Variants in AGBL1 observed in about 807,000 individuals in gnomAD.
AGBL1 encodes the protein cytosolic carboxypeptidase 4.
Under a neutral mutation model 118.9 loss-of-function variants are expected in AGBL1, and 130 were observed. The observed-to-expected ratio is 1.09, with a 90% CI of 0.95 to 1.26. The LOEUF (loss-of-function observed/expected upper bound fraction) is 1.26. Ranked by LOEUF, AGBL1 falls within the 50% of genes most tolerant of loss-of-function variation. The pLI, the probability that AGBL1 is intolerant of heterozygous loss-of-function variation, is 0.00. For missense variants in AGBL1, 1,584 were observed against 1,298.1 expected, an observed-to-expected ratio of 1.22 and a Z score of -3.38; for synonymous variants, 555 against 478.9, an observed-to-expected ratio of 1.16 and a Z score of -2.08.
intron 17 of AGBL1, among the ~76,000 whole-genome samples, chr15:86,315,977 T>C (rs543348006): frequency 8.5e-5 from 13 of 152,300 alleles, no homozygotes; most frequent in Non-Finnish European, 1.2e-4. Flanking sequence ...ACCTTATCTA[T>C]ATTTAGTACA....
rs558781958 is a variant in AGBL1, at chr15:86,922,557, G to A, written c.3222-65430G>A. On this transcript the variant is annotated intron_variant, in intron 23 of 24. Coordinates refer to the AGBL1 transcript ENST00000441037. ...TCCACCTGCCTTGGCCTCCCAAAAT[G>A]TTGGAATTACAGGGTGAGCCACCAT... Among the ~76,000 whole-genome samples the A allele has an allele frequency of 7.9e-5, 12 of 152,272 alleles. No homozygotes were observed. The South Asian group carries it at 1.9e-3, about 24-fold the overall frequency.
intron 21 of AGBL1, among the ~76,000 whole-genome samples, chr15:86,586,647 T>A (rs574673364): frequency 6.6e-6 from 1 of 152,216 alleles, no homozygotes; most frequent in Non-Finnish European, 1.5e-5. Flanking sequence ...TACAGTTTGG[T>A]TTAATACATT....
intron 18 of AGBL1, among the ~76,000 whole-genome samples, chr15:86,423,385 C>A (rs1033471188): frequency 3.3e-5 from 5 of 152,052 alleles, no homozygotes; most frequent in African/African-American, 4.8e-5. Context: ...ACCTTTCATG[C>A]AAAAAACTCT....
chr15:86,123,835 T>A (rs1898239141), intron 1 of AGBL1, among the ~76,000 whole-genome samples: 1 of 152,200 alleles, frequency 6.6e-6, no homozygotes. Context: ...TTGTATTTGG[T>A]TCAGAGTAAA....
chr15:86,358,842 G>A (rs531914706), intron 17 of AGBL1, among the ~76,000 whole-genome samples: 2 of 151,724 alleles, frequency 1.3e-5, no homozygotes, highest in African/African-American at 2.4e-5. Flanking sequence ...GTTTATTCAG[G>A]TCCTTAGCCC....
chr15:86,296,373 T>C (rs2079641531), intron 17 of AGBL1: 1 of 152,246 alleles, frequency 6.6e-6, no homozygotes, highest in South Asian at 2.1e-4. Context: ...CAGCCTTCCC[T>C]GGTGAAGATA....
chr15:86,181,747 C>A (rs1321746775), intron 5 of AGBL1, among the ~76,000 whole-genome samples: 3 of 151,880 alleles, frequency 2.0e-5, no homozygotes, highest in African/African-American at 7.2e-5. Flanking sequence ...ATAGTAAAAT[C>A]TTTAAAGAAG....
At chr15:86,128,971 C>G (rs1221376297) in intron 1 of AGBL1, among the ~76,000 whole-genome samples, 2 of 152,098 alleles carry the variant, frequency 1.3e-5, no homozygotes, top group African/African-American at 4.8e-5. Context: ...CACAGTGCTT[C>G]CAATAATGAA....
downstream of AGBL1, among the ~76,000 whole-genome samples, chr15:87,029,430 C>CTAA (rs2081765190): frequency 6.6e-6 from 1 of 151,800 alleles, no homozygotes; most frequent in African/African-American, 2.4e-5. Flanking sequence ...CTTTGATGTG[C>CTAA]TAATACTTTA....
At chr15:86,813,994 C>A (rs939606859) in intron 22 of AGBL1, among the ~76,000 whole-genome samples, 2 of 152,156 alleles carry the variant, frequency 1.3e-5, no homozygotes, top group African/African-American at 2.4e-5. Context: ...CCTGTCTCAT[C>A]TGCCAACTGC....
intron 22 of AGBL1, among the ~76,000 whole-genome samples, chr15:86,779,535 A>G (rs1033301521): frequency 4.6e-5 from 7 of 152,168 alleles, no homozygotes; most frequent in African/African-American, 1.7e-4. Flanking sequence ...CTGTCTTTTG[A>G]TGAAAATATG....
intron 21 of AGBL1, among the ~76,000 whole-genome samples, chr15:86,642,673 A>G (rs2085212444): frequency 6.6e-6 from 1 of 152,024 alleles, no homozygotes; most frequent in Admixed American, 6.6e-5. Flanking sequence ...CTGAGTATAA[A>G]CACTATTTAT....
chr15:86,821,721 C>A (rs1432218270), intron 22 of AGBL1, among the ~76,000 whole-genome samples: 4 of 152,028 alleles, frequency 2.6e-5, no homozygotes, highest in Non-Finnish European at 5.9e-5. Context: ...TACTGTTTTC[C>A]TGTGGTAGTA....
intron 5 of AGBL1, among the ~76,000 whole-genome samples, chr15:86,184,532 G>A (rs1429722943): frequency 3.3e-5 from 5 of 151,834 alleles, no homozygotes; most frequent in Non-Finnish European, 7.4e-5. Flanking sequence ...CTAGGTTGGG[G>A]AAGTTCTCCT....
chr15:86,967,916 C>T (rs1456603359), intron 23 of AGBL1, among the ~76,000 whole-genome samples: 1 of 152,038 alleles, frequency 6.6e-6, no homozygotes, highest in Admixed American at 6.6e-5. Context: ...TTACCTTGGG[C>T]AGTATGGCCA....
At chr15:86,831,672 C>T (rs1438346349) in intron 22 of AGBL1, among the ~76,000 whole-genome samples, 2 of 152,184 alleles carry the variant, frequency 1.3e-5, no homozygotes, top group Non-Finnish European at 2.9e-5. Flanking sequence ...ATATAGCCTC[C>T]CTCCTGGCTG....
rs1400448554 is a variant in AGBL1 at position 86,143,821 on chromosome 15, C to G, written c.238C>G (p.Leu80Val). The change falls in exon 3 of 23, where the codon CTG becomes GTG. Residue 80 changes from leucine to valine, a missense_variant. Coordinates refer to ENST00000614907, the MANE Select transcript of AGBL1 (RefSeq NM_001386094.1). ...DYDILLPLFR[L>V]LAKVGLRDKK... ...TGACATCCTCCTGCCTCTCTTCCGG[C>G]TGCTGGCCAAAGTTGGCCTAAGAGG... is the stretch of plus-strand genomic sequence containing the variant. 2 of 1,613,810 alleles carry G rather than the reference C, an allele frequency of 1.2e-6. No individual in the cohort carries two copies. Among genetic ancestry groups the G allele is most frequent in the South Asian group, 1.1e-5 (1 of 91,070 alleles).
intron 21 of AGBL1, among the ~76,000 whole-genome samples, chr15:86,638,864 A>T (rs2085146015): frequency 6.6e-6 from 1 of 152,116 alleles, no homozygotes; most frequent in Admixed American, 6.5e-5. Context: ...TGCTTTCAGG[A>T]CCTTTCACAG....
intron 22 of AGBL1, among the ~76,000 whole-genome samples, chr15:86,847,091 C>A (rs2079330298): frequency 1.3e-5 from 2 of 152,026 alleles, no homozygotes; most frequent in African/African-American, 4.8e-5. Flanking sequence ...TTATTATGTT[C>A]TTCCACTCCA....
Sources: allele counts gnomAD v4.1 joint callset (sites outside exome capture counted in the v4.1 genomes callset), GRCh38; gene constraint gnomAD v4.1.1; transcripts MANE v1.5; gene names NCBI Gene and HGNC (gene_info 2026-07-23, HGNC 2026-07-21).